DRC1: variants seen among roughly 807,000 people sequenced by gnomAD.
DRC1 encodes dynein regulatory complex subunit 1, also known as dynein regulatory complex protein 1.
In DRC1, 74 loss-of-function variants were observed where a neutral mutation model predicts 98.7. The observed-to-expected ratio is 0.75, with a 90% CI of 0.62 to 0.91. The LOEUF (loss-of-function observed/expected upper bound fraction) is 0.91, where lower values mean the gene tolerates loss of function less well. DRC1 is among the 40% of genes least tolerant of loss of function. The pLI is 0.00. For missense variants in DRC1, 875 were observed against 886.0 expected, an observed-to-expected ratio of 0.99 and a Z score of 0.16; for synonymous variants, 336 against 334.1, an observed-to-expected ratio of 1.01 and a Z score of -0.06.
intron 5 of DRC1, 165 bp from the exon 6 acceptor site, chr2:26,430,621 T>A (rs765624566): frequency 1.0e-4 from 77 of 764,366 alleles, no homozygotes; most frequent in Admixed American, 6.1e-4. Context: ...TGCAGCTCCT[T>A]CCATAGCCAT....
intron 1 of DRC1, among the ~76,000 whole-genome samples, chr2:26,406,506 C>T (rs1041922398): frequency 3.9e-5 from 6 of 151,960 alleles, no homozygotes; most frequent in African/African-American, 7.2e-5. Flanking sequence ...GCCAGGAGTT[C>T]GAGACCAGCC....
At chr2:26,448,842 G>C in intron 11 of DRC1, 39 bp downstream of exon 11, 1 of 1,600,796 alleles carries the variant, frequency 6.2e-7, no homozygotes, top group South Asian at 1.1e-5. Context: ...GGACTCACGG[G>C]GGTGTGCAGG....
intron 4 of DRC1, among the ~76,000 whole-genome samples, chr2:26,427,875 A>G (rs1390502115): frequency 6.6e-6 from 1 of 152,192 alleles, no homozygotes; most frequent in Non-Finnish European, 1.5e-5. Flanking sequence ...ATGCCTTTCA[A>G]TTCCATCCAC....
intron 9 of DRC1, 23 bp from the exon 10 acceptor site, chr2:26,444,693 T>G: frequency 1.2e-6 from 2 of 1,610,198 alleles, no homozygotes; most frequent in South Asian, 1.1e-5. Flanking sequence ...CAGCTGGCCA[T>G]GCTCTGTGAC....
intron 2 of DRC1, among the ~76,000 whole-genome samples, chr2:26,419,003 C>T (rs1167278369): frequency 6.6e-6 from 1 of 150,610 alleles, no homozygotes; most frequent in Admixed American, 6.7e-5. Flanking sequence ...ATTCCCCTGC[C>T]TCAGCCTCCC....
At chr2:26,430,641 T>C in intron 5 of DRC1, 145 bp from the exon 6 acceptor site, 1 of 833,516 alleles carries the variant, frequency 1.2e-6, no homozygotes, top group Non-Finnish European at 2.1e-6. Context: ...TTTGGTCTTA[T>C]GAAACTTGGC....
intron 2 of DRC1, among the ~76,000 whole-genome samples, chr2:26,420,181 C>G (rs1663090955): frequency 6.6e-6 from 1 of 152,156 alleles, no homozygotes; most frequent in Admixed American, 6.6e-5. Context: ...GAGGGTACAC[C>G]TTTTCCCCTT....
chr2:26,439,936 T>TATATATATATATATAC lies in DRC1; in HGVS notation c.889-441_889-440insTATATATATATATACA, dbSNP rs548209014. 1.0e-3 allele frequency among the ~76,000 whole-genome samples: 76 copies of TATATATATATATATAC among 75,498 alleles called. 7 individuals carry two copies. The highest frequency in any genetic ancestry group is 1.4e-3 in the African/African-American group (32 of 23,058). The allele number at this position is 75,498 out of a possible 152,430, so 49.5% of individuals were successfully genotyped here. A position where few individuals can be genotyped will look rare whatever the true frequency, so the allele number is the denominator to read the frequency against. ...ACTAGTGTGTGAATATATATATATA[T>TATATATATATATATAC]ACACACACACATACACACACACACA... On this transcript the variant is annotated intron_variant, in intron 7 of 16. Transcript: ENST00000288710.
chr2:26,412,626 A>G (rs187170436), intron 1 of DRC1, among the ~76,000 whole-genome samples: 1 of 152,166 alleles, frequency 6.6e-6, no homozygotes, highest in African/African-American at 2.4e-5. Flanking sequence ...ACAAGCACAC[A>G]CACATGCACT....
intron 8 of DRC1, among the ~76,000 whole-genome samples, chr2:26,441,947 C>T (rs186225147): frequency 6.6e-6 from 1 of 152,310 alleles, no homozygotes; most frequent in African/African-American, 2.4e-5. Context: ...TTTGACATAT[C>T]TGTTTGTGCT....
At position 26,454,823 on chromosome 2, in the gene DRC1, T is replaced by C. The variant is rs1253313130; in HGVS notation, c.2063+33T>C. On this transcript the variant is annotated intron_variant, in intron 15 of 16. Transcript: ENST00000288710. This position sits in a 1 kb window ranked among gnomAD's most constrained non-coding sequence, Gnocchi z 5.2. ...TGCATGTCATGGAGCAGGAGGGTGC[T>C]GGCGGGCAGGTGAGGAACGGTTGTT... is the stretch of plus-strand genomic sequence containing the variant. The C allele has an allele frequency of 6.2e-7, 1 of 1,613,226 alleles. No individual in the cohort carries two copies. The highest frequency in any genetic ancestry group is 1.1e-5 in the South Asian group (1 of 91,048).
chr2:26,448,852 G>A, intron 11 of DRC1, 49 bp downstream of exon 11: 1 of 1,581,664 alleles, frequency 6.3e-7, no homozygotes, highest in Non-Finnish European at 8.7e-7. Flanking sequence ...GGGTGTGCAG[G>A]TTCTGAGGCC....
rs1678264592 is a variant in DRC1 at position 26,402,134 on chromosome 2, GC to G, written c.148del (p.Arg50GlyfsTer10). 1 of 1,606,552 alleles carries G rather than the reference GC, an allele frequency of 6.2e-7. No homozygotes were observed. The highest frequency in any genetic ancestry group is 8.5e-7 in the Non-Finnish European group (1 of 1,177,440). ...RRLRIAARLE[A>X]RRREALGEYL... ...CCTCCGCATCGCTGCGCGCTTAGAA[GC>G]CCGGAGGCGGTGAGCGCGGGGGCGG... On this transcript the variant is annotated frameshift_variant, in exon 1 of 17. Coordinates refer to ENST00000288710, the MANE Select transcript of DRC1 (RefSeq NM_145038.5). LOFTEE classifies it high-confidence loss of function.
At chr2:26,440,684 G>C (rs1663695913) in intron 8 of DRC1, among the ~76,000 whole-genome samples, 167 bp downstream of exon 8, 1 of 152,140 alleles carries the variant, frequency 6.6e-6, no homozygotes, top group Non-Finnish European at 1.5e-5. Flanking sequence ...CCCAAGAAAA[G>C]AGTACATAGC....
chr2:26,455,453 C>G (rs948941251), intron 16 of DRC1, among the ~76,000 whole-genome samples: 4 of 152,212 alleles, frequency 2.6e-5, no homozygotes, highest in African/African-American at 9.6e-5. Context: ...GTGACAGTGT[C>G]TCTTTGATAC....
In DRC1 at chr2:26,428,420, C is replaced by T. The variant is rs370460792; in HGVS notation, c.541-1208C>T. ...ATTGCTCCTAGGCTACAAACCTGTC[C>T]GGAATGCTACTGTACTGAATACTGT... On this transcript the variant is annotated intron_variant, in intron 4 of 16. Coordinates refer to ENST00000288710, the MANE Select transcript of DRC1 (RefSeq NM_145038.5). Among the ~76,000 whole-genome samples, 7 of 152,298 alleles carry T rather than the reference C, an allele frequency of 4.6e-5. No individual in the cohort carries two copies. In the South Asian group the frequency reaches 8.3e-4, roughly 18 times the overall value.
rs778078856 is a variant in DRC1, at chr2:26,448,794, TGAC to T, written c.1503_1505del (p.Asp501del). On this transcript the variant is annotated inframe_deletion, in exon 11 of 17. Transcript: ENST00000288710. ...CCAAGAGGATCCTGATGCTCCTGTG[TGAC>T]GAGTCGGTGAGGCCAGGCGGGGGCT... 1.1e-5 allele frequency: 18 copies of T among 1,614,066 alleles called. No homozygotes were observed. The Admixed American group carries it at 3.0e-4, about 27-fold the overall frequency.
chr2:26,409,766 C>T (rs1449447133), intron 1 of DRC1, among the ~76,000 whole-genome samples: 4 of 152,104 alleles, frequency 2.6e-5, no homozygotes, highest in Non-Finnish European at 2.9e-5. Context: ...ATTTTTTCCA[C>T]GTAAAACAGT....
intron 4 of DRC1, among the ~76,000 whole-genome samples, chr2:26,425,173 A>G (rs187733735): frequency 3.2e-4 from 49 of 152,256 alleles, no homozygotes; most frequent in Middle Eastern, 3.4e-3. Context: ...TGTGAGTGAA[A>G]TCATACAGCA....
Sources: gnomAD v4.1 joint callset for allele counts (sites outside exome capture counted in the v4.1 genomes callset) on GRCh38, gnomAD v4.1.1 for gene constraint, Gnocchi (gnomAD v3.1) non-coding constraint, MANE v1.5 for transcripts, NCBI Gene and HGNC (gene_info 2026-07-23, HGNC 2026-07-21) for gene names.